Variants in CEP131 observed in about 807,000 individuals in gnomAD.
CEP131 encodes centrosomal protein of 131 kDa.
In CEP131, 99 loss-of-function variants were observed where a neutral mutation model predicts 136.8. That is an observed-to-expected ratio of 0.72 (90% CI 0.62 to 0.86). The LOEUF is 0.86. Among genes scored for constraint, CEP131 ranks in the 40% least tolerant of loss-of-function variants. The probability of loss-of-function intolerance (pLI) is 0.00; values close to 1 mark genes in which losing one functional copy is unlikely to be tolerated. For missense variants in CEP131, 1,459 were observed against 1,463.0 expected (o/e 1.00, Z 0.04); for synonymous variants, 646 against 612.7 (o/e 1.05, Z -0.80).
Position 81,214,225 on chromosome 17 carries a change from T to C in CEP131, c.178-5203A>G, listed in dbSNP as rs144674666. Among the ~76,000 whole-genome samples the C allele has an allele frequency of 3.3e-3, 504 of 152,362 alleles. 1 individual carries two copies. Among genetic ancestry groups the C allele is most frequent in the African/African-American group, 0.011 (469 of 41,590 alleles). ...CACCCTGCACTTTCCAATTTTTCTATAAATTTAAAACTATACTAACATAAA... is the reference window on the plus strand; with the variant it reads ...CACCCTGCACTTTCCAATTTTTCTACAAATTTAAAACTATACTAACATAAA... On this transcript the variant is annotated intron_variant, in intron 2 of 25. Coordinates refer to ENST00000450824, the MANE Select transcript of CEP131 (RefSeq NM_014984.4).
At chr17:81,193,146 C>T (rs1327025478) in intron 18 of CEP131, among the ~76,000 whole-genome samples, 1 of 152,250 alleles carries the variant, frequency 6.6e-6, no homozygotes, top group Admixed American at 6.5e-5. Context: ...CGTGTGCCGG[C>T]CTCACCCTGT....
intron 6 of CEP131, among the ~76,000 whole-genome samples, 154 bp from the exon 7 acceptor site, chr17:81,202,552 C>T (rs1229743203): frequency 6.6e-5 from 10 of 152,212 alleles, no homozygotes; most frequent in South Asian, 4.1e-4. Flanking sequence ...GCGGCAGGTG[C>T]GAGGCCGGCT....
chr17:81,192,479 G>GTGCC lies in CEP131; in HGVS notation c.2540_2543dup (p.His848GlnfsTer52). 1 of 1,611,864 alleles carries GTGCC rather than the reference G, an allele frequency of 6.2e-7. No homozygotes were observed. Among genetic ancestry groups the GTGCC allele is most frequent in the Non-Finnish European group, 8.5e-7 (1 of 1,179,798 alleles). On this transcript the variant is annotated frameshift_variant, in exon 20 of 26. Transcript: ENST00000450824. LOFTEE classifies it high-confidence loss of function. The stretch of plus-strand genomic sequence containing the variant: ...GCACAGCCCTCCGGTGGTAGACCTG[G>GTGCC]TGCCGGCGCTCCTGCTCCTCCCTGC...
rs758565021 is a variant in CEP131 at position 81,196,693 on chromosome 17, C to A, written c.1899+8G>T. 1.2e-6 allele frequency: 2 copies of A among 1,601,348 alleles called. No individual in the cohort carries two copies. Among genetic ancestry groups the A allele is most frequent in the East Asian group, 2.2e-5 (1 of 44,588 alleles). ...GGTCCGGGCCTCTGCGCTCCCCGGG[C>A]CGCTCACCTGGTCAATGAAGGCCAA... is the stretch of plus-strand genomic sequence containing the variant. On this transcript the variant is annotated splice_region_variant and intron_variant, in intron 15 of 25. Coordinates refer to ENST00000450824, the MANE Select transcript of CEP131 (RefSeq NM_014984.4).
Position 81,196,682 on chromosome 17 carries a change from C to T in CEP131, c.1899+19G>A, listed in dbSNP as rs776922751. 16 of 1,596,308 alleles carry T rather than the reference C, an allele frequency of 1.0e-5. No homozygotes were observed. The highest frequency in any genetic ancestry group is 4.0e-5 in the African/African-American group (3 of 74,842). Reference sequence around the variant, plus strand: ...GCCACGCGCTGGGTCCGGGCCTCTGCGCTCCCCGGGCCGCTCACCTGGTCA... The same window carrying T: ...GCCACGCGCTGGGTCCGGGCCTCTGTGCTCCCCGGGCCGCTCACCTGGTCA... On this transcript the variant is annotated intron_variant, in intron 15 of 25. Coordinates refer to ENST00000450824, the MANE Select transcript of CEP131 (RefSeq NM_014984.4).
Position 81,208,923 on chromosome 17 carries a change from GT to G in CEP131, c.272+4del. On this transcript the variant is annotated splice_donor_region_variant and intron_variant, in intron 3 of 25. Coordinates refer to ENST00000450824, the MANE Select transcript of CEP131 (RefSeq NM_014984.4). This position sits in a 1 kb window ranked among gnomAD's most constrained non-coding sequence, Gnocchi z 5.6. ...CCAGGGTTATCCAAGGGCCTTAGGGGTTACCTGGGGGAGCCGCTCCGAGGCT... is the reference window on the plus strand; with the variant it reads ...CCAGGGTTATCCAAGGGCCTTAGGGGTACCTGGGGGAGCCGCTCCGAGGCT... 6.2e-7 allele frequency: 1 copy of G among 1,612,528 alleles called. No homozygotes were observed. Among genetic ancestry groups the G allele is most frequent in the Non-Finnish European group, 8.5e-7 (1 of 1,179,250 alleles).
At chr17:81,205,396 C>T (rs146096570) in intron 5 of CEP131, among the ~76,000 whole-genome samples, 1,842 of 90,050 alleles carry the variant, frequency 0.02, 18 homozygotes, top group African/African-American at 0.046. Flanking sequence ...GGAGGGGCAG[C>T]GGGGCAGTGG....
At chr17:81,199,038 C>A (rs1183161368) in intron 10 of CEP131, 67 bp from the exon 11 acceptor site, 1 of 1,399,684 alleles carries the variant, frequency 7.1e-7, no homozygotes, top group Non-Finnish European at 9.4e-7. Context: ...TCTGGAGGCA[C>A]CCCCGGGAAG....
In CEP131 at chr17:81,189,713, C is replaced by T. The variant is rs560974279; in HGVS notation, c.*56G>A. On this transcript the variant is annotated 3_prime_UTR_variant, in exon 26 of 26. Coordinates refer to ENST00000450824, the MANE Select transcript of CEP131 (RefSeq NM_014984.4). The stretch of plus-strand genomic sequence containing the variant: ...GCGTCCCTGTGGGCCTCTGGGCCCA[C>T]GTCCAGCCTCTGTCCTCTGCCTTCC... The T allele has an allele frequency of 2.8e-4, 419 of 1,519,374 alleles. 1 individual carries two copies. The Middle Eastern group carries it at 6.1e-3, about 22-fold the overall frequency. The allele number at this position is 1,519,374 out of a possible 1,614,324, so 94.1% of individuals were successfully genotyped here. A position where few individuals can be genotyped will look rare whatever the true frequency, so the allele number is the denominator to read the frequency against.
At chr17:81,191,917 G>A (rs926822168) in intron 21 of CEP131, among the ~76,000 whole-genome samples, 4 of 152,124 alleles carry the variant, frequency 2.6e-5, no homozygotes, top group African/African-American at 9.7e-5. Flanking sequence ...AATGTGTGTG[G>A]GACTGTCACC....
At chr17:81,192,885 C>A in intron 18 of CEP131, 42 bp from the exon 19 acceptor site, 2 of 1,573,618 alleles carry the variant, frequency 1.3e-6, no homozygotes, top group East Asian at 2.3e-5. Flanking sequence ...CCGGGACGGG[C>A]GGTCCCAGGA....
rs753563282 is a variant in CEP131 at position 81,206,855 on chromosome 17, C to CCCCGGGGCTGGTCAT, written c.389_403dup (p.Asp130_Arg134dup). 5.0e-6 allele frequency: 8 copies of CCCCGGGGCTGGTCAT among 1,613,714 alleles called. No individual in the cohort carries two copies. The South Asian group carries it at 7.7e-5, about 16-fold the overall frequency. On this transcript the variant is annotated inframe_insertion, in exon 5 of 26. Coordinates refer to ENST00000450824, the MANE Select transcript of CEP131 (RefSeq NM_014984.4). ...CCGGGCATTGGATGGCAAGGTGAAG[C>CCCCGGGGCTGGTCAT]CCCGGGGCTGGTCATCCTGTCAGAC...
Position 81,190,684 on chromosome 17 carries a change from G to A in CEP131, c.3062C>T (p.Thr1021Met), listed in dbSNP as rs745613456. Reference sequence around the variant, plus strand: ...CTCCAGCTGCTGGCGGGCCTGCAGCGTGGCCAGCTCGGCCTTGGCCTGCCG... The same window carrying A: ...CTCCAGCTGCTGGCGGGCCTGCAGCATGGCCAGCTCGGCCTTGGCCTGCCG... The part of the protein sequence containing the change: ...ETRQAKAELA[T>M]LQARQQLELE... The change falls in exon 24 of 26, where the codon ACG becomes ATG. Residue 1021 changes from threonine to methionine, a missense_variant. Coordinates refer to ENST00000450824, the MANE Select transcript of CEP131 (RefSeq NM_014984.4). The A allele has an allele frequency of 1.4e-5, 23 of 1,603,638 alleles. No homozygotes were observed. The highest frequency in any genetic ancestry group is 8.4e-5 in the Admixed American group (5 of 59,470).
Position 81,220,036 on chromosome 17 carries a change from G to T in CEP131, c.21C>A (p.Ile7=). Residue 7 remains isoleucine (I), a synonymous_variant, in exon 2 of 26, where the codon ATC becomes ATA. Coordinates refer to ENST00000450824, the MANE Select transcript of CEP131 (RefSeq NM_014984.4). MKGTRA[I]GSVPERSPAG... ...CTGGGCTGCGCTCCGGGACGCTGCC[G>T]ATGGCCCGGGTGCCTTTCATGGTGG... 6.3e-7 allele frequency: 1 copy of T among 1,593,622 alleles called. No homozygotes were observed. Among genetic ancestry groups the T allele is most frequent in the Non-Finnish European group, 8.5e-7 (1 of 1,170,916 alleles).
At position 81,222,940 on chromosome 17, in the gene CEP131, G is replaced by A. The variant is rs925247501; in HGVS notation, c.-189C>T. The A allele has an allele frequency of 6.6e-6, 1 of 152,310 alleles. No homozygotes were observed. Among genetic ancestry groups the A allele is most frequent in the African/African-American group, 2.4e-5 (1 of 41,466 alleles). 9.4% of individuals were successfully genotyped at this position (152,310 alleles called of 1,614,324 possible). On this transcript the variant is annotated 5_prime_UTR_variant, in exon 1 of 26. Coordinates refer to ENST00000450824, the MANE Select transcript of CEP131 (RefSeq NM_014984.4). ...CCCGGTGACAATGAAGCGGCCGGAC[G>A]GCCGGGGTGAGCAGCGGCGGCAGCT... is the stretch of plus-strand genomic sequence containing the variant.
rs372699069 is a variant in CEP131, at chr17:81,207,257, C to T, written c.273-18G>A. On this transcript the variant is annotated intron_variant, in intron 3 of 25. Transcript: ENST00000450824. ...CCGTTGGCCTGCATCCGAGAGAGGG[C>T]GGCACACAAGGAAAGAGTCACCAGC... 39 of 1,608,682 alleles carry T rather than the reference C, an allele frequency of 2.4e-5. No homozygotes were observed. The highest frequency in any genetic ancestry group is 1.5e-4 in the African/African-American group (11 of 74,896).
At position 81,198,526 on chromosome 17, in the gene CEP131, A is replaced by G. The variant is rs1309568998; in HGVS notation, c.1288-229T>C. On this transcript the variant is annotated intron_variant, in intron 11 of 25. Transcript: ENST00000450824. ...GGGACTCCTCCCAGTGCCCCACTCC[A>G]GGAAAACAGGAGTGCAGCCACCTGG... is the stretch of plus-strand genomic sequence containing the variant. 1.1e-4 allele frequency among the ~76,000 whole-genome samples: 16 copies of G among 152,146 alleles called. 1 individual carries two copies. The highest frequency in any genetic ancestry group is 1.0e-3 in the Admixed American group (16 of 15,278).
intron 9 of CEP131, 69 bp downstream of exon 9, chr17:81,199,650 C>A: frequency 6.3e-7 from 1 of 1,598,346 alleles, no homozygotes; most frequent in Middle Eastern, 2.0e-4. Flanking sequence ...CCCAGGGAGC[C>A]CCAGCAGCAG....
At chr17:81,202,177 T>A in intron 7 of CEP131, 63 bp downstream of exon 7, 4 of 536,128 alleles carry the variant, frequency 7.5e-6, no homozygotes, top group South Asian at 2.8e-5. Context: ...CCCCAGACCC[T>A]GATGCCTGCC....
Sources: gnomAD v4.1 joint callset for allele counts (sites outside exome capture counted in the v4.1 genomes callset) on GRCh38, gnomAD v4.1.1 for gene constraint, Gnocchi (gnomAD v3.1) non-coding constraint, MANE v1.5 for transcripts, NCBI Gene and HGNC (gene_info 2026-07-23, HGNC 2026-07-21) for gene names.